The following TRANK1 variants were observed in gnomAD, a reference collection of about 807,000 sequenced individuals.
The protein encoded by TRANK1 is tetratricopeptide repeat and ankyrin repeat containing 1.
A neutral mutation model predicts 266.0 loss-of-function variants in TRANK1; 198 were observed. The ratio of observed to expected loss-of-function variants is 0.74; its 90% CI spans 0.66 to 0.84. TRANK1 has a LOEUF of 0.84. Among genes scored for constraint, TRANK1 ranks in the 40% least tolerant of loss-of-function variants. TRANK1 has a pLI of 0.00. For missense variants in TRANK1, 3,326 were observed against 3,634.6 expected (o/e 0.92, Z 2.18); for synonymous variants, 1,396 against 1,384.1 (o/e 1.01, Z -0.19).
intron 1 of TRANK1, among the ~76,000 whole-genome samples, chr3:36,917,317 A>C (rs2080139837): frequency 6.6e-6 from 1 of 152,222 alleles, no homozygotes; most frequent in Non-Finnish European, 1.5e-5. Flanking sequence ...AGATGAACCA[A>C]ATAGAAATAT....
At chr3:36,945,093 G>A (rs573320124), upstream of TRANK1, 38 of 423,464 alleles carry the variant, frequency 9.0e-5, no homozygotes, top group East Asian at 1.2e-3. Flanking sequence ...AAACTGTCAC[G>A]TGCACGTCGC....
chr3:36,932,289 A>G (rs1403663108), intron 1 of TRANK1, among the ~76,000 whole-genome samples: 1 of 152,118 alleles, frequency 6.6e-6, no homozygotes, highest in Non-Finnish European at 1.5e-5. Context: ...TTAAATGCAC[A>G]GCAGAGTGCA....
rs771383391 is a variant in TRANK1 at position 36,832,621 on chromosome 3, C to G, written c.6962G>C (p.Arg2321Pro). The change falls in exon 22 of 24, where the codon CGC (arginine) becomes CCC (proline). Residue 2321 changes from arginine to proline, a missense_variant. By Grantham distance (103) the Arg-to-Pro change is moderately radical. Coordinates refer to ENST00000645898, the MANE Select transcript of TRANK1 (RefSeq NM_001329998.2). ...CAGGTCTGTGGATTCCCGGCGGTTG[C>G]GTGCGCTTTCATTTTCAAACAGAAA... is the stretch of plus-strand genomic sequence containing the variant. Reference protein sequence around the residue: ...IHFLFENESARNRRESTDLWL... With the variant: ...IHFLFENESAPNRRESTDLWL... 24 of 1,613,770 alleles carry G rather than the reference C, an allele frequency of 1.5e-5. No individual in the cohort carries two copies. In the Admixed American group the frequency reaches 4.0e-4, roughly 27 times the overall value.
Position 36,857,476 on chromosome 3 carries a change from A to T in TRANK1, c.2246T>A (p.Phe749Tyr). 1 of 1,613,898 alleles carries T rather than the reference A, an allele frequency of 6.2e-7. No homozygotes were observed. Among genetic ancestry groups the T allele is most frequent in the East Asian group, 2.2e-5 (1 of 44,876 alleles). ...LIQQVEVDPS[F>Y]PEDCLQSSEP... ...AGAGCTCTGAAGACAGTCCTCTGGG[A>T]AAGACGGATCCACTTCAACCTGCTG... is the stretch of plus-strand genomic sequence containing the variant. The change falls in exon 13 of 24, where the codon TTC (phenylalanine) becomes TAC (tyrosine). Residue 749 changes from phenylalanine (F) to tyrosine (Y), a missense_variant. Phe to Tyr is a conservative substitution (Grantham distance 22, BLOSUM62 3). Transcript: ENST00000645898. The surrounding 1 kb of genome is among the most constrained non-coding windows in gnomAD (Gnocchi z 4.3).
At chr3:36,937,707 C>T (rs952891633) in intron 1 of TRANK1, among the ~76,000 whole-genome samples, 2 of 152,306 alleles carry the variant, frequency 1.3e-5, no homozygotes, top group Non-Finnish European at 2.9e-5. Context: ...TAAATCTTGA[C>T]TTAGGTATCT....
chr3:36,942,830 G>C lies in TRANK1; in HGVS notation c.23+1957C>G, dbSNP rs2080514967. On this transcript the variant is annotated intron_variant, in intron 1 of 23. Transcript: ENST00000645898. ...GAACCTGCAGTTGCCCCATAAAGCT[G>C]GTCAGTCGGTCATAAAGTGAAGTTA... 4.0e-5 allele frequency among the ~76,000 whole-genome samples: 6 copies of C among 151,378 alleles called. No individual in the cohort carries two copies. The South Asian group carries it at 1.3e-3, about 32-fold the overall frequency.
intron 8 of TRANK1, among the ~76,000 whole-genome samples, chr3:36,885,841 A>C (rs1449869453): frequency 4.6e-5 from 7 of 152,116 alleles, no homozygotes; most frequent in African/African-American, 1.4e-4. Flanking sequence ...TGCTGGCCTA[A>C]ACTTTGATTA....
At chr3:36,933,236 G>T (rs567862562) in intron 1 of TRANK1, among the ~76,000 whole-genome samples, 1 of 152,292 alleles carries the variant, frequency 6.6e-6, no homozygotes, top group South Asian at 2.1e-4. Context: ...AGAATTTACG[G>T]CCTGAACCCA....
chr3:36,904,366 A>G (rs1269234739), intron 2 of TRANK1, among the ~76,000 whole-genome samples: 1 of 151,888 alleles, frequency 6.6e-6, no homozygotes, highest in Non-Finnish European at 1.5e-5. Flanking sequence ...TAAAATACAA[A>G]AAAATTATCT....
At chr3:36,866,050 G>T (rs113255072) in intron 9 of TRANK1, among the ~76,000 whole-genome samples, 3 of 89,946 alleles carry the variant, frequency 3.3e-5, no homozygotes, top group African/African-American at 1.1e-4. Flanking sequence ...CAGACAGAAA[G>T]AAAAAGAAAG....
At chr3:36,875,830 A>G (rs1022191827) in intron 8 of TRANK1, among the ~76,000 whole-genome samples, 1 of 152,246 alleles carries the variant, frequency 6.6e-6, no homozygotes, top group African/African-American at 2.4e-5. Context: ...TGTTTTGATA[A>G]GCTCCATATT....
In TRANK1 at chr3:36,855,336, G is replaced by A. The variant is rs749957666; in HGVS notation, c.4386C>T (p.Leu1462=). The change falls in exon 13 of 24, where the codon CTC becomes CTT. Residue 1462 remains leucine, a synonymous_variant. Coordinates refer to ENST00000645898, the MANE Select transcript of TRANK1 (RefSeq NM_001329998.2). Reference sequence around the variant, plus strand: ...TGATGCTCTGGGCCGTGTCCCCCGTGAGGAACATAGAGTTGGGGTCATTGA... The same window carrying A: ...TGATGCTCTGGGCCGTGTCCCCCGTAAGGAACATAGAGTTGGGGTCATTGA... ...KCINDPNSMF[L]TGDTAQSIMK... is the part of the protein sequence containing the mutation. 2 of 1,614,038 alleles carry A rather than the reference G, an allele frequency of 1.2e-6. No individual in the cohort carries two copies. The highest frequency in any genetic ancestry group is 1.7e-5 in the Admixed American group (1 of 60,024).
At chr3:36,864,589 T>C (rs1484541111) in intron 9 of TRANK1, 109 bp from the exon 10 acceptor site, 2 of 1,008,218 alleles carry the variant, frequency 2.0e-6, no homozygotes, top group East Asian at 5.8e-5. Flanking sequence ...TGCTGTGCAG[T>C]GTGACTTGCT....
chr3:36,883,979 C>T (rs1181260709), intron 8 of TRANK1, among the ~76,000 whole-genome samples: 2 of 152,076 alleles, frequency 1.3e-5, no homozygotes, highest in Non-Finnish European at 2.9e-5. Flanking sequence ...TATAAATGAA[C>T]ATAAAGTGAA....
At chr3:36,941,513 A>G (rs2080496255) in intron 1 of TRANK1, among the ~76,000 whole-genome samples, 1 of 152,196 alleles carries the variant, frequency 6.6e-6, no homozygotes, top group Non-Finnish European at 1.5e-5. Flanking sequence ...TTTCAACAAA[A>G]ACAAACAAGG....
At chr3:36,865,763 C>T (rs1170563616) in intron 9 of TRANK1, among the ~76,000 whole-genome samples, 1 of 151,736 alleles carries the variant, frequency 6.6e-6, no homozygotes, top group Non-Finnish European at 1.5e-5. Flanking sequence ...TTCATATATA[C>T]AAATAAAATA....
chr3:36,838,815 G>A, intron 18 of TRANK1, 99 bp from the exon 19 acceptor site: 1 of 1,212,992 alleles, frequency 8.2e-7, no homozygotes, highest in Non-Finnish European at 1.2e-6. Flanking sequence ...GACAAAACAT[G>A]AAGTCTTGCT....
intron 11 of TRANK1, among the ~76,000 whole-genome samples, chr3:36,860,681 G>A (rs1196058194): frequency 6.6e-6 from 1 of 151,988 alleles, no homozygotes; most frequent in Admixed American, 6.5e-5. Flanking sequence ...ATACAAAAGA[G>A]AAAGGTAGTA....
At chr3:36,905,439 G>A (rs989426903) in intron 2 of TRANK1, among the ~76,000 whole-genome samples, 1 of 152,178 alleles carries the variant, frequency 6.6e-6, no homozygotes, top group African/African-American at 2.4e-5. Context: ...TGGAGAGCTT[G>A]CTCTCTCCTC....
Sources: gnomAD v4.1 joint callset for allele counts (sites outside exome capture counted in the v4.1 genomes callset) on GRCh38, gnomAD v4.1.1 for gene constraint, Gnocchi (gnomAD v3.1) non-coding constraint, MANE v1.5 for transcripts, NCBI Gene and HGNC (gene_info 2026-07-23, HGNC 2026-07-21) for gene names.